NFIA: variants seen among roughly 807,000 people sequenced by gnomAD.
The protein encoded by NFIA is nuclear factor I A.
NFIA carries 8 observed loss-of-function variants against 62.8 expected under a neutral mutation model. The ratio of observed to expected loss-of-function variants is 0.13; its 90% CI spans 0.07 to 0.23. NFIA has a LOEUF of 0.23. NFIA is among the 10% of genes least tolerant of loss of function. NFIA has a pLI of 1.00. For synonymous variants in NFIA, 235 were observed against 238.1 expected, an observed-to-expected ratio of 0.99 and a Z score of 0.12; for missense variants, 410 against 642.1, an observed-to-expected ratio of 0.64 and a Z score of 3.91.
intron 7 of NFIA, among the ~76,000 whole-genome samples, chr1:61,397,203 A>G (rs2100510101): frequency 6.6e-6 from 1 of 152,270 alleles, no homozygotes; most frequent in East Asian, 1.9e-4. Flanking sequence ...ATGTTTGGTC[A>G]GCAAAGACTA....
intron 10 of NFIA, among the ~76,000 whole-genome samples, chr1:61,445,187 C>T (rs543986849): frequency 1.3e-5 from 2 of 152,248 alleles, no homozygotes; most frequent in South Asian, 4.1e-4. Context: ...CTCCAAGAAG[C>T]ATAGATCCCT....
intron 7 of NFIA, among the ~76,000 whole-genome samples, chr1:61,388,651 C>T (rs1008648659): frequency 3.3e-5 from 5 of 152,312 alleles, no homozygotes; most frequent in African/African-American, 7.2e-5. Flanking sequence ...GCAGCCTACA[C>T]GATCCACATT....
chr1:61,288,561 C>A (rs1570519447), intron 3 of NFIA, among the ~76,000 whole-genome samples: 1 of 152,180 alleles, frequency 6.6e-6, no homozygotes, highest in Non-Finnish European at 1.5e-5. Context: ...TGATAATAAT[C>A]ATAATAGTAG....
At chr1:61,226,955 C>A (rs1654370988) in intron 2 of NFIA, among the ~76,000 whole-genome samples, 1 of 152,194 alleles carries the variant, frequency 6.6e-6, no homozygotes, top group Admixed American at 6.5e-5. Context: ...AGCTGCACTT[C>A]ATTTCTCCCA....
At chr1:61,441,623 A>G (rs1667588037) in intron 10 of NFIA, among the ~76,000 whole-genome samples, 1 of 152,206 alleles carries the variant, frequency 6.6e-6, no homozygotes, top group Admixed American at 6.5e-5. Context: ...CATTAGGATT[A>G]ATTTAACCTG....
At chr1:61,211,889 G>A (rs1653285734) in intron 2 of NFIA, among the ~76,000 whole-genome samples, 1 of 152,104 alleles carries the variant, frequency 6.6e-6, no homozygotes, top group African/African-American at 2.4e-5. Context: ...TAGACACTGG[G>A]TTTTGCCATG....
At chr1:61,137,303 T>C (rs1647215197) in intron 2 of NFIA, among the ~76,000 whole-genome samples, 1 of 152,138 alleles carries the variant, frequency 6.6e-6, no homozygotes, top group Non-Finnish European at 1.5e-5. Flanking sequence ...AAGGTAGTTA[T>C]TACTGACCTA....
At chr1:61,252,944 GA>G (rs923612474) in intron 2 of NFIA, among the ~76,000 whole-genome samples, 1 of 152,136 alleles carries the variant, frequency 6.6e-6, no homozygotes, top group Admixed American at 6.5e-5. Context: ...CCTACCAAGG[GA>G]AAAAAAGGGA....
In NFIA at chr1:61,399,399, A is replaced by G. The variant is rs117645690; in HGVS notation, c.1076-4705A>G. Among the ~76,000 whole-genome samples, 156 of 152,358 alleles carry G rather than the reference A, an allele frequency of 1.0e-3. 2 individuals are homozygous for G. The East Asian group carries it at 0.027, about 27-fold the overall frequency. On this transcript the variant is annotated intron_variant, in intron 7 of 10. Transcript: ENST00000403491. ...AGCTTTTCTTTGGAGCCTCCCATAGAAGAGAGACTGGGATTTAAAGGCTGA... is the reference window on the plus strand; with the variant it reads ...AGCTTTTCTTTGGAGCCTCCCATAGGAGAGAGACTGGGATTTAAAGGCTGA...
chr1:61,231,571 C>G (rs1408545116), intron 2 of NFIA, among the ~76,000 whole-genome samples: 1 of 152,140 alleles, frequency 6.6e-6, no homozygotes, highest in Non-Finnish European at 1.5e-5. Context: ...TAGGACTCAA[C>G]TTGGTGCTAT....
chr1:61,455,192 C>A (rs914255773), intron 10 of NFIA, 111 bp from the exon 11 acceptor site: 2 of 1,040,040 alleles, frequency 1.9e-6, no homozygotes. Context: ...CCCAGCGAAT[C>A]CCTCCCGCAT....
intron 9 of NFIA, among the ~76,000 whole-genome samples, chr1:61,424,176 T>A (rs1666761378): frequency 6.6e-6 from 1 of 152,182 alleles, no homozygotes; most frequent in African/African-American, 2.4e-5. Flanking sequence ...AGAAAATATC[T>A]GATTGTTGGC....
intron 2 of NFIA, among the ~76,000 whole-genome samples, chr1:61,166,109 ATAG>A (rs1649547313): frequency 6.6e-6 from 1 of 152,190 alleles, no homozygotes; most frequent in Non-Finnish European, 1.5e-5. Context: ...AATCTACTTT[ATAG>A]TAGGATTATA....
At chr1:61,230,797 TG>T (rs1302174792) in intron 2 of NFIA, among the ~76,000 whole-genome samples, 2 of 152,228 alleles carry the variant, frequency 1.3e-5, no homozygotes, top group Non-Finnish European at 2.9e-5. Context: ...TTTACCAAGG[TG>T]CTGTGCTTTA....
chr1:61,423,170 T>G (rs763280176), intron 9 of NFIA, among the ~76,000 whole-genome samples: 3 of 151,992 alleles, frequency 2.0e-5, no homozygotes, highest in Non-Finnish European at 4.4e-5. Context: ...GCCAGAAGCT[T>G]CTTATAGGAA....
chr1:61,398,806 A>T (rs1445357043), intron 7 of NFIA, among the ~76,000 whole-genome samples: 1 of 152,174 alleles, frequency 6.6e-6, no homozygotes. Context: ...GGCCTGATTC[A>T]TGCATGATTT....
intron 2 of NFIA, among the ~76,000 whole-genome samples, chr1:61,153,089 A>C (rs1485584802): frequency 6.6e-6 from 1 of 152,202 alleles, no homozygotes; most frequent in African/African-American, 2.4e-5. Flanking sequence ...TCCTGAAAAC[A>C]AGTTTTCTGA....
At chr1:61,236,496 TACCTA>T in intron 2 of NFIA, among the ~76,000 whole-genome samples, 1 of 152,312 alleles carries the variant, frequency 6.6e-6, no homozygotes. Flanking sequence ...TCATGACCCT[TACCTA>T]CAAAAATACT....
At chr1:61,357,480 C>T (rs1480525114) in intron 5 of NFIA, among the ~76,000 whole-genome samples, 2 of 152,132 alleles carry the variant, frequency 1.3e-5, no homozygotes, top group African/African-American at 4.8e-5. Context: ...CTGAGTGGTA[C>T]ATCAGCTGTA....
Sources: gnomAD v4.1 joint callset for allele counts (sites outside exome capture counted in the v4.1 genomes callset) on GRCh38, gnomAD v4.1.1 for gene constraint, MANE v1.5 for transcripts, NCBI Gene and HGNC (gene_info 2026-07-23, HGNC 2026-07-21) for gene names.